The following FGF11 variants were observed in gnomAD, a reference collection of about 807,000 sequenced individuals.
FGF11 encodes the protein fibroblast growth factor 11, also known as fibroblast growth factor homologous factor 3.
A neutral mutation model predicts 25.1 loss-of-function variants in FGF11; 25 were observed. The observed-to-expected ratio is 1.00, with a 90% CI of 0.73 to 1.39. The LOEUF is 1.39. Among genes scored for constraint, FGF11 ranks in the 40% most tolerant of loss-of-function variants. The probability of loss-of-function intolerance (pLI) is 0.00; values close to 1 mark genes in which losing one functional copy is unlikely to be tolerated. For synonymous variants in FGF11, 130 were observed against 128.9 expected (o/e 1.01, Z -0.06); for missense variants, 320 against 311.0 (o/e 1.03, Z -0.22).
In FGF11 at chr17:7,444,038, G is replaced by A. The variant is rs749548990; in HGVS notation, c.*892G>A. The stretch of plus-strand genomic sequence containing the variant: ...TGATACCTATTACGGATGAGTTCTG[G>A]AAAAGACCCAGCTATGATTCATAAA... On this transcript the variant is annotated 3_prime_UTR_variant, in exon 5 of 5. Coordinates refer to ENST00000293829, the MANE Select transcript of FGF11 (RefSeq NM_004112.4). The A allele has an allele frequency of 2.0e-5, 3 of 152,130 alleles. No individual in the cohort carries two copies. Among genetic ancestry groups the A allele is most frequent in the Non-Finnish European group, 4.4e-5 (3 of 68,030 alleles). The allele number at this position is 152,130 out of a possible 1,614,324, so 9.4% of individuals were successfully genotyped here. A position where few individuals can be genotyped will look rare whatever the true frequency, so the allele number is the denominator to read the frequency against.
chr17:7,439,129 T>C (rs1028259893), upstream of FGF11: 2 of 152,402 alleles, frequency 1.3e-5, no homozygotes, highest in Admixed American at 1.3e-4. Flanking sequence ...CTTCCTGACA[T>C]TGGCAGTGCC....
At position 7,442,792 on chromosome 17, in the gene FGF11, G is replaced by A. The variant is rs546541096; in HGVS notation, c.607G>A (p.Val203Met). ...AAHFLPKLLE[V>M]AMYQEPSLHS... The stretch of plus-strand genomic sequence containing the variant: ...CCACTTTCTGCCCAAGCTCCTGGAG[G>A]GTGGGTATAGACTCAAGAAAATGTG... The change falls in exon 4 of 5, where the codon GTG becomes ATG. Residue 203 changes from valine (V) to methionine (M), a missense_variant and splice_region_variant. Transcript: ENST00000293829. The A allele has an allele frequency of 6.0e-5, 97 of 1,613,670 alleles. No individual in the cohort carries two copies. The highest frequency in any genetic ancestry group is 2.7e-4 in the Admixed American group (16 of 59,994).
Position 7,441,560 on chromosome 17 carries a change from C to G in FGF11, c.283C>G (p.Pro95Ala), listed in dbSNP as rs138002470. The G allele has an allele frequency of 2.9e-4, 474 of 1,614,154 alleles. No individual in the cohort carries two copies. Among genetic ancestry groups the G allele is most frequent in the Middle Eastern group, 1.2e-3 (7 of 6,062 alleles). Residue 95 changes from proline to alanine, a missense_variant, in exon 2 of 5, where the codon CCA becomes GCA. Coordinates refer to ENST00000293829, the MANE Select transcript of FGF11 (RefSeq NM_004112.4). Reference protein sequence around the residue: ...ANPDGSIQGTPEDTSSFTHFN... With the variant: ...ANPDGSIQGTAEDTSSFTHFN... Reference sequence around the variant, plus strand: ...TCCCGACGGAAGCATCCAGGGCACCCCAGAGGATACCAGCTCCTTCAGTGA... The same window carrying G: ...TCCCGACGGAAGCATCCAGGGCACCGCAGAGGATACCAGCTCCTTCAGTGA...
At position 7,439,705 on chromosome 17, in the gene FGF11, C is replaced by A. The variant is rs1359976553; in HGVS notation, c.85C>A (p.Arg29Ser). ...CAGCCGGCCGGTGTCGGCGCAGCGG[C>A]GCGTGTGTCCCCGCGGCACCAAGTC... ...GGSRPVSAQR[R>S]VCPRGTKSLC... is the part of the protein sequence containing the mutation. The change falls in exon 1 of 5, where the codon CGC becomes AGC. Residue 29 changes from arginine to serine, a missense_variant. Arg to Ser is a moderately radical substitution (Grantham distance 110, BLOSUM62 -1). Transcript: ENST00000293829. 1 of 1,565,786 alleles carries A rather than the reference C, an allele frequency of 6.4e-7. No homozygotes were observed. Among genetic ancestry groups the A allele is most frequent in the South Asian group, 1.2e-5 (1 of 85,298 alleles).
rs538673089 is a variant in FGF11, at chr17:7,441,677, G to A, written c.304+96G>A. 3.5e-5 allele frequency: 55 copies of A among 1,580,902 alleles called. No homozygotes were observed. In the African/African-American group the frequency reaches 4.2e-4, roughly 12 times the overall value. ...CTTCAGCTTCTGTTGCCATTGATCC[G>A]TCTTCCTGACCTCTAAGGGAAAAAG... On this transcript the variant is annotated intron_variant, in intron 2 of 4. Coordinates refer to ENST00000293829, the MANE Select transcript of FGF11 (RefSeq NM_004112.4).
At chr17:7,441,325 G>C (rs541140922) in intron 1 of FGF11, 146 bp from the exon 2 acceptor site, 3 of 1,078,366 alleles carry the variant, frequency 2.8e-6, no homozygotes, top group African/African-American at 3.2e-5. Flanking sequence ...AGGTGGGAGA[G>C]AGCGTGCTTG....
At chr17:7,439,416 A>C, upstream of FGF11, 1 of 443,254 alleles carries the variant, frequency 2.3e-6, no homozygotes, top group Non-Finnish European at 3.8e-6. Context: ...TGGTGGAGCC[A>C]GCACTGGGCC....
In FGF11 at chr17:7,444,775, C is replaced by T. The variant is rs1262561732; in HGVS notation, c.*1629C>T. 1 of 402,860 alleles carries T rather than the reference C, an allele frequency of 2.5e-6. No homozygotes were observed. Among genetic ancestry groups the T allele is most frequent in the African/African-American group, 2.0e-5 (1 of 49,118 alleles). 25.0% of individuals were successfully genotyped at this position (402,860 alleles called of 1,614,324 possible). On this transcript the variant is annotated 3_prime_UTR_variant, in exon 5 of 5. Transcript: ENST00000293829. Reference sequence around the variant, plus strand: ...GAGGGACTAAGGCTCCAAGGCAGGTCACTTTTCCTTAGGCTGTTCTACTTC... The same window carrying T: ...GAGGGACTAAGGCTCCAAGGCAGGTTACTTTTCCTTAGGCTGTTCTACTTC...
At position 7,443,914 on chromosome 17, in the gene FGF11, T is replaced by G. The variant is rs1293984274; in HGVS notation, c.*768T>G. The G allele has an allele frequency of 2.0e-5, 3 of 152,202 alleles. No homozygotes were observed. The highest frequency in any genetic ancestry group is 2.0e-4 in the Admixed American group (3 of 15,268). 9.4% of individuals were successfully genotyped at this position (152,202 alleles called of 1,614,324 possible). ...CTGAATCCTAGCTCTAGGACATAGA[T>G]CATGACTCTCAGCCCTTTTACCCAG... On this transcript the variant is annotated 3_prime_UTR_variant, in exon 5 of 5. Coordinates refer to ENST00000293829, the MANE Select transcript of FGF11 (RefSeq NM_004112.4).
Position 7,444,001 on chromosome 17 carries a change from C to T in FGF11, c.*855C>T, listed in dbSNP as rs1236635732. ...TAAGTAAGTTCTAGCCCCACCCTCC[C>T]GCCTTCTTGAGTGATACCTATTACG... is the stretch of plus-strand genomic sequence containing the variant. On this transcript the variant is annotated 3_prime_UTR_variant, in exon 5 of 5. Transcript: ENST00000293829. 6.6e-6 allele frequency: 1 copy of T among 152,146 alleles called. No individual in the cohort carries two copies. The highest frequency in any genetic ancestry group is 2.4e-5 in the African/African-American group (1 of 41,434). 9.4% of individuals were successfully genotyped at this position (152,146 alleles called of 1,614,324 possible). A position where few individuals can be genotyped will look rare whatever the true frequency, so the allele number is the denominator to read the frequency against.
chr17:7,443,608 C>G lies in FGF11; in HGVS notation c.*462C>G, dbSNP rs1311798849. 2 of 159,588 alleles carry G rather than the reference C, an allele frequency of 1.3e-5. No homozygotes were observed. Among genetic ancestry groups the G allele is most frequent in the Non-Finnish European group, 2.8e-5 (2 of 72,448 alleles). 9.9% of individuals were successfully genotyped at this position (159,588 alleles called of 1,614,324 possible). A position where few individuals can be genotyped will look rare whatever the true frequency, so the allele number is the denominator to read the frequency against. The stretch of plus-strand genomic sequence containing the variant: ...TCCCTACTCTACCTTCTACCTTGGT[C>G]TGGACACATTCTGGAACACTGGACA... On this transcript the variant is annotated 3_prime_UTR_variant, in exon 5 of 5. Coordinates refer to ENST00000293829, the MANE Select transcript of FGF11 (RefSeq NM_004112.4).
chr17:7,439,780 G>A lies in FGF11; in HGVS notation c.160G>A (p.Gly54Arg), dbSNP rs767195617. 1.3e-6 allele frequency: 2 copies of A among 1,487,448 alleles called. No homozygotes were observed. The highest frequency in any genetic ancestry group is 8.9e-7 in the Non-Finnish European group (1 of 1,126,326). The allele number at this position is 1,487,448 out of a possible 1,614,324, so 92.1% of individuals were successfully genotyped here. Residue 54 changes from glycine (G) to arginine (R), a missense_variant, in exon 1 of 5, where the codon GGG becomes AGG. Coordinates refer to ENST00000293829, the MANE Select transcript of FGF11 (RefSeq NM_004112.4). ...CCTGCTGTCCAAGGTGCGACTGTGC[G>A]GGGGGCGGCCCGCGCGGCCGGACCG... Reference protein sequence around the residue: ...LILLSKVRLCGGRPARPDRGP... With the variant: ...LILLSKVRLCRGRPARPDRGP...
chr17:7,440,858 G>A lies in FGF11; in HGVS notation c.194-613G>A. The A allele has an allele frequency of 1.0e-6, 1 of 989,108 alleles. No individual in the cohort carries two copies. Among genetic ancestry groups the A allele is most frequent in the Non-Finnish European group, 1.2e-6 (1 of 832,262 alleles). 61.3% of individuals were successfully genotyped at this position (989,108 alleles called of 1,614,324 possible). A position where few individuals can be genotyped will look rare whatever the true frequency, so the allele number is the denominator to read the frequency against. On this transcript the variant is annotated intron_variant, in intron 1 of 4. Coordinates refer to ENST00000293829, the MANE Select transcript of FGF11 (RefSeq NM_004112.4). The surrounding 1 kb of genome is among the most constrained non-coding windows in gnomAD (Gnocchi z 5.4). ...CCCAGGCGAGTTACCTGGCCGAAGG[G>A]GAGAGGCTGAGCCTCAGGGAGAACT...
Position 7,443,094 on chromosome 17 carries a change from C to T in FGF11, c.626C>T (p.Pro209Leu). The change falls in exon 5 of 5, where the codon CCT becomes CTT. Residue 209 changes from proline to leucine, a missense_variant. Pro to Leu is a moderately conservative substitution (Grantham distance 98). Coordinates refer to ENST00000293829, the MANE Select transcript of FGF11 (RefSeq NM_004112.4). ...TTCACAGTGGCCATGTACCAGGAGC[C>T]TTCTCTCCACAGTGTCCCCGAGGCC... ...KLLEVAMYQE[P>L]SLHSVPEASP... 1.2e-6 allele frequency: 2 copies of T among 1,612,638 alleles called. No individual in the cohort carries two copies. The highest frequency in any genetic ancestry group is 1.7e-6 in the Non-Finnish European group (2 of 1,178,784).
chr17:7,439,235 A>C, upstream of FGF11: 1 of 170,980 alleles, frequency 5.8e-6, no homozygotes, highest in Non-Finnish European at 1.2e-5. Context: ...CCCAAAATAC[A>C]GTGGAAAGGT....
chr17:7,438,381 G>C, upstream of FGF11: 1 of 154,454 alleles, frequency 6.5e-6, no homozygotes, highest in Non-Finnish European at 1.5e-5. Context: ...CGCCGGACCG[G>C]GGAGCTCTGC....
Position 7,443,402 on chromosome 17 carries a change from T to G in FGF11, c.*256T>G. On this transcript the variant is annotated 3_prime_UTR_variant, in exon 5 of 5. Transcript: ENST00000293829. ...ATGGTCCTGGCTGATCACTTCTTTC[T>G]TTCCACACTCACACAACGCCATGCC... The G allele has an allele frequency of 2.3e-6, 1 of 441,264 alleles. No homozygotes were observed. The allele number at this position is 441,264 out of a possible 1,614,324, so 27.3% of individuals were successfully genotyped here.
chr17:7,441,556 C>T lies in FGF11; in HGVS notation c.279C>T (p.Gly93=). 4 of 1,614,208 alleles carry T rather than the reference C, an allele frequency of 2.5e-6. No individual in the cohort carries two copies. The highest frequency in any genetic ancestry group is 3.4e-6 in the Non-Finnish European group (4 of 1,180,046). The change falls in exon 2 of 5, where the codon GGC becomes GGT. Residue 93 remains glycine (G), a synonymous_variant. Coordinates refer to ENST00000293829, the MANE Select transcript of FGF11 (RefSeq NM_004112.4). ...CGAATCCCGACGGAAGCATCCAGGG[C>T]ACCCCAGAGGATACCAGCTCCTTCA... The part of the protein sequence containing the change: ...LQANPDGSIQ[G]TPEDTSSFTH...
Position 7,443,075 on chromosome 17 carries a change from G to A in FGF11, c.608-1G>A. 3 of 1,610,988 alleles carry A rather than the reference G, an allele frequency of 1.9e-6. No individual in the cohort carries two copies. Among genetic ancestry groups the A allele is most frequent in the Non-Finnish European group, 2.5e-6 (3 of 1,177,476 alleles). The stretch of plus-strand genomic sequence containing the variant: ...TGCTCCTCTCTTTCTCCCCTTCACA[G>A]TGGCCATGTACCAGGAGCCTTCTCT... On this transcript the variant is annotated splice_acceptor_variant, in intron 4 of 4. Transcript: ENST00000293829. LOFTEE classifies it high-confidence loss of function.
Sources: allele counts gnomAD v4.1 joint callset, GRCh38; gene constraint gnomAD v4.1.1; non-coding constraint Gnocchi (gnomAD v3.1); transcripts MANE v1.5; gene names NCBI Gene and HGNC (gene_info 2026-07-23, HGNC 2026-07-21).